Variants in NCKAP1 observed in about 807,000 individuals in gnomAD.
NCKAP1 encodes nck-associated protein 1.
A neutral mutation model predicts 151.2 loss-of-function variants in NCKAP1; 21 were observed. That is an observed-to-expected ratio of 0.14 (90% CI 0.10 to 0.20). The LOEUF (loss-of-function observed/expected upper bound fraction) is 0.20, where lower values mean the gene tolerates loss of function less well. NCKAP1 is among the 10% of genes least tolerant of loss of function. NCKAP1 has a pLI of 1.00. For missense variants in NCKAP1, 933 were observed against 1,352.1 expected, an observed-to-expected ratio of 0.69 and a Z score of 4.86; for synonymous variants, 484 against 451.8, an observed-to-expected ratio of 1.07 and a Z score of -0.90.
intron 23 of NCKAP1, among the ~76,000 whole-genome samples, chr2:182,948,186 A>G (rs1380328253): frequency 6.6e-6 from 1 of 152,120 alleles, no homozygotes; most frequent in Non-Finnish European, 1.5e-5. Context: ...GTATTTGAGA[A>G]GCAAAAAAGT....
chr2:182,936,678 T>C (rs528112154), intron 24 of NCKAP1, among the ~76,000 whole-genome samples: 14 of 152,254 alleles, frequency 9.2e-5, no homozygotes, highest in South Asian at 2.1e-4. Context: ...ACCATACAAA[T>C]AGGCCTAATA....
rs375625766 is a variant in NCKAP1, at chr2:182,984,930, T to C, written c.1004+1241A>G. Among the ~76,000 whole-genome samples, 7 of 152,262 alleles carry C rather than the reference T, an allele frequency of 4.6e-5. No homozygotes were observed. In the East Asian group the frequency reaches 9.6e-4, roughly 21 times the overall value. The stretch of plus-strand genomic sequence containing the variant: ...AAGGAGGAAAATAAAAATACCTTAA[T>C]TGTAAAAGATCTTTATAAAAGATAG... On this transcript the variant is annotated intron_variant, in intron 10 of 30. Transcript: ENST00000361354.
intron 14 of NCKAP1, among the ~76,000 whole-genome samples, chr2:182,977,466 G>A (rs1236314572): frequency 6.6e-6 from 1 of 152,090 alleles, no homozygotes; most frequent in Non-Finnish European, 1.5e-5. Flanking sequence ...CTCCAGCCTG[G>A]GCAACAGAGC....
At chr2:182,931,599 T>C (rs1696765488) in intron 26 of NCKAP1, among the ~76,000 whole-genome samples, 1 of 152,086 alleles carries the variant, frequency 6.6e-6, no homozygotes, top group African/African-American at 2.4e-5. Context: ...CAAATCATCA[T>C]GACACTGCAT....
chr2:182,988,136 T>C (rs1698093742), intron 9 of NCKAP1, among the ~76,000 whole-genome samples: 1 of 152,150 alleles, frequency 6.6e-6, no homozygotes, highest in Non-Finnish European at 1.5e-5. Context: ...AGGTTAGAGG[T>C]GATGCTCAGG....
intron 1 of NCKAP1, among the ~76,000 whole-genome samples, chr2:183,037,645 C>G (rs80118472): frequency 6.6e-6 from 1 of 152,186 alleles, no homozygotes; most frequent in Non-Finnish European, 1.5e-5. Flanking sequence ...ACCCACCACC[C>G]TCCCTTTCCT....
Position 182,925,822 on chromosome 2 carries a change from T to TA in NCKAP1, c.3271-5dup, listed in dbSNP as rs1696632068. ...GGAATGGAGATTCTTGTACAATCTG[T>TA]AAAATTCAAAAAATCCATCAAAACA... On this transcript the variant is annotated splice_polypyrimidine_tract_variant and splice_region_variant and intron_variant, in intron 30 of 30. Transcript: ENST00000361354. The TA allele has an allele frequency of 6.7e-7, 1 of 1,484,360 alleles. No individual in the cohort carries two copies. The highest frequency in any genetic ancestry group is 1.4e-5 in the African/African-American group (1 of 69,178). 91.9% of individuals were successfully genotyped at this position (1,484,360 alleles called of 1,614,324 possible). A position where few individuals can be genotyped will look rare whatever the true frequency, so the allele number is the denominator to read the frequency against.
At chr2:182,978,719 T>G (rs1697876172) in intron 14 of NCKAP1, 115 bp downstream of exon 14, 1 of 521,068 alleles carries the variant, frequency 1.9e-6, no homozygotes, top group South Asian at 7.7e-5. Flanking sequence ...GAGAACAAAA[T>G]TAAGATAAAA....
At chr2:182,981,648 A>T (rs966310951) in intron 12 of NCKAP1, among the ~76,000 whole-genome samples, 1 of 151,998 alleles carries the variant, frequency 6.6e-6, no homozygotes, top group Non-Finnish European at 1.5e-5. Context: ...GTGGCTCACG[A>T]CTGTAATTAC....
chr2:182,942,780 C>G (rs1270801363), intron 23 of NCKAP1, among the ~76,000 whole-genome samples: 1 of 151,516 alleles, frequency 6.6e-6, no homozygotes, highest in Non-Finnish European at 1.5e-5. Context: ...GATAACTATT[C>G]AAGAAAAGTA....
At chr2:182,944,662 C>G (rs927988639) in intron 23 of NCKAP1, among the ~76,000 whole-genome samples, 5 of 152,050 alleles carry the variant, frequency 3.3e-5, no homozygotes, top group African/African-American at 1.2e-4. Context: ...AATTAGCACA[C>G]AAATTACCCT....
At chr2:182,995,200 A>G (rs1209670713) in intron 7 of NCKAP1, among the ~76,000 whole-genome samples, 1 of 152,210 alleles carries the variant, frequency 6.6e-6, no homozygotes, top group Admixed American at 6.5e-5. Context: ...AAAGTTTACA[A>G]TATTCCAAAA....
intron 1 of NCKAP1, among the ~76,000 whole-genome samples, chr2:183,024,150 C>A (rs985784528): frequency 1.3e-5 from 2 of 151,556 alleles, no homozygotes. Flanking sequence ...TAGCGCAGAA[C>A]AGCAGTGAAG....
chr2:182,917,952 C>T lies in NCKAP1; in HGVS notation c.*7750G>A, dbSNP rs1204785091. 6.6e-6 allele frequency: 1 copy of T among 151,984 alleles called. No homozygotes were observed. The highest frequency in any genetic ancestry group is 1.5e-5 in the Non-Finnish European group (1 of 68,004). The allele number at this position is 151,984 out of a possible 1,614,324, so 9.4% of individuals were successfully genotyped here. On this transcript the variant is annotated 3_prime_UTR_variant, in exon 31 of 31. Coordinates refer to ENST00000361354, the MANE Select transcript of NCKAP1 (RefSeq NM_013436.5). ...AAGGCCAGAAAGTGGGCATAGTGTC[C>T]CCAAGCCCACAGTCATTTACCCAGG... is the stretch of plus-strand genomic sequence containing the variant.
At chr2:182,971,072 T>A (rs952878257) in intron 15 of NCKAP1, among the ~76,000 whole-genome samples, 4 of 151,728 alleles carry the variant, frequency 2.6e-5, no homozygotes, top group Admixed American at 6.6e-5. Flanking sequence ...TAAACATTGA[T>A]GAAGGAAACT....
chr2:182,964,939 T>C (rs1268609505), intron 16 of NCKAP1, 131 bp from the exon 17 acceptor site: 2 of 580,280 alleles, frequency 3.4e-6, no homozygotes, highest in South Asian at 4.1e-5. Flanking sequence ...AGAATATTTT[T>C]CCCCCAAAGT....
rs1696745258 is a variant in NCKAP1, at chr2:182,930,683, A to T, written c.2953+12T>A. On this transcript the variant is annotated intron_variant, in intron 27 of 30. Coordinates refer to ENST00000361354, the MANE Select transcript of NCKAP1 (RefSeq NM_013436.5). ...TAACTAAGAGTATTAAATATTTACT[A>T]ATGCATTTTACCCGATTTTTGTGAA... The T allele has an allele frequency of 6.2e-7, 1 of 1,601,442 alleles. No individual in the cohort carries two copies. The highest frequency in any genetic ancestry group is 1.3e-5 in the African/African-American group (1 of 74,628).
At chr2:182,945,029 G>T (rs1361341937) in intron 23 of NCKAP1, among the ~76,000 whole-genome samples, 2 of 152,200 alleles carry the variant, frequency 1.3e-5, no homozygotes, top group Non-Finnish European at 2.9e-5. Flanking sequence ...GAGGTCAGGA[G>T]TTTGAAACTA....
chr2:182,979,509 T>C (rs1181381778), intron 13 of NCKAP1, among the ~76,000 whole-genome samples: 2 of 152,150 alleles, frequency 1.3e-5, no homozygotes, highest in Non-Finnish European at 2.9e-5. Flanking sequence ...AAAAAGTGGA[T>C]GCTTAGCTTA....
Sources: allele counts gnomAD v4.1 joint callset (sites outside exome capture counted in the v4.1 genomes callset), GRCh38; gene constraint gnomAD v4.1.1; transcripts MANE v1.5; gene names NCBI Gene and HGNC (gene_info 2026-07-23, HGNC 2026-07-21).